The following EEF1E1 variants were observed in gnomAD, a reference collection of about 807,000 sequenced individuals.
EEF1E1 encodes the protein eukaryotic translation elongation factor 1 epsilon-1.
EEF1E1 carries 19 observed loss-of-function variants against 19.9 expected under a neutral mutation model. That is an observed-to-expected ratio of 0.95 (90% CI 0.66 to 1.40). The LOEUF (loss-of-function observed/expected upper bound fraction) is 1.40. EEF1E1 is among the 40% of genes most tolerant of loss of function. The probability of loss-of-function intolerance (pLI) is 0.00; values close to 1 mark genes in which losing one functional copy is unlikely to be tolerated. For synonymous variants in EEF1E1, 81 were observed against 80.0 expected (o/e 1.01, Z -0.07); for missense variants, 198 against 202.2 (o/e 0.98, Z 0.13).
At chr6:8,075,593 T>C (rs1050372930), downstream of EEF1E1, among the ~76,000 whole-genome samples, 1 of 150,664 alleles carries the variant, frequency 6.6e-6, no homozygotes, top group Non-Finnish European at 1.5e-5. Flanking sequence ...TTAATGATCA[T>C]CTGGACCTTT....
intron 1 of EEF1E1, among the ~76,000 whole-genome samples, chr6:8,099,637 C>A (rs1758269487): frequency 6.6e-6 from 1 of 151,986 alleles, no homozygotes; most frequent in Admixed American, 6.6e-5. Flanking sequence ...ATCCCTGCTA[C>A]ACGGGAGGCT....
At chr6:8,073,461 T>C (rs556552802) in exon 4 of EEF1E1, 1 of 1,551,472 alleles carries the variant, frequency 6.4e-7, no homozygotes, top group African/African-American at 1.4e-5. Context: ...CTCAGTTCCT[T>C]GTATGATGTT....
At chr6:8,074,266 C>A (rs1009696046) in intron 3 of EEF1E1, among the ~76,000 whole-genome samples, 3 of 152,144 alleles carry the variant, frequency 2.0e-5, no homozygotes, top group Admixed American at 6.5e-5. Context: ...AACAACCCAC[C>A]CTGATGTTAC....
At chr6:8,096,651 T>C (rs73719911) in intron 2 of EEF1E1, among the ~76,000 whole-genome samples, 17,034 of 152,282 alleles carry the variant, frequency 0.11, 1,166 homozygotes, top group South Asian at 0.2. Context: ...AACAAAATCT[T>C]AAAATCTGCC....
chr6:8,100,660 C>T (rs1758323101), intron 1 of EEF1E1, among the ~76,000 whole-genome samples: 1 of 152,000 alleles, frequency 6.6e-6, no homozygotes, highest in Non-Finnish European at 1.5e-5. Context: ...CCGTAAAATC[C>T]CCAGCCAGCC....
downstream of EEF1E1, among the ~76,000 whole-genome samples, chr6:8,077,763 C>T (rs578116506): frequency 6.6e-6 from 1 of 152,288 alleles, no homozygotes; most frequent in African/African-American, 2.4e-5. Flanking sequence ...GCTTTCCTAT[C>T]ATCTGTGTGT....
intron 1 of EEF1E1, among the ~76,000 whole-genome samples, chr6:8,101,057 C>G (rs1040064289): frequency 2.7e-5 from 4 of 148,920 alleles, no homozygotes; most frequent in Non-Finnish European, 5.9e-5. Context: ...GCAACCCGGT[C>G]TCTACTAAAA....
intron 3 of EEF1E1, among the ~76,000 whole-genome samples, chr6:8,080,882 A>T (rs1298557026): frequency 6.6e-6 from 1 of 152,204 alleles, no homozygotes; most frequent in Non-Finnish European, 1.5e-5. Context: ...CAGCCACCCT[A>T]CAAGCGCTAC....
At chr6:8,089,424 A>T (rs977773119) in intron 3 of EEF1E1, among the ~76,000 whole-genome samples, 25 of 152,324 alleles carry the variant, frequency 1.6e-4, no homozygotes, top group Admixed American at 1.6e-3. Flanking sequence ...CAGGCTGAGG[A>T]GCAAGGAGAG....
In EEF1E1 at chr6:8,102,427, C is replaced by T. The variant is rs772188817; in HGVS notation, c.87+8G>A. 6.2e-7 allele frequency: 1 copy of T among 1,609,752 alleles called. No individual in the cohort carries two copies. The highest frequency in any genetic ancestry group is 2.2e-5 in the East Asian group (1 of 44,528). ...CCTCTTCCCCTCCGCGCCGCCTCTC[C>T]TTCTCACCTGTCGCTCGCCCTGAGC... is the stretch of plus-strand genomic sequence containing the variant. On this transcript the variant is annotated splice_region_variant and intron_variant, in intron 1 of 3. Coordinates refer to ENST00000379715, the MANE Select transcript of EEF1E1 (RefSeq NM_004280.5).
intron 3 of EEF1E1, among the ~76,000 whole-genome samples, chr6:8,083,813 G>A (rs1168392590): frequency 2.0e-5 from 3 of 152,142 alleles, no homozygotes; most frequent in African/African-American, 4.8e-5. Context: ...AACAAAGCAC[G>A]AAGACCTGGT....
chr6:8,073,487 C>T, exon 4 of EEF1E1: 1 of 1,551,484 alleles, frequency 6.4e-7, no homozygotes, highest in Non-Finnish European at 8.7e-7. Flanking sequence ...AGTTCCCTAC[C>T]TCTGTGTGCC....
At position 8,074,224 on chromosome 6, in the gene EEF1E1, C is replaced by T. The variant is rs77524219; in HGVS notation, c.385-714G>A. On this transcript the variant is annotated intron_variant, in intron 3 of 3. Coordinates refer to the EEF1E1 transcript ENST00000429723. Reference sequence around the variant, plus strand: ...CTGGATGCTTCACACCAAAGGTGGGCTAATTTCCTAACTTCTTTTACATGA... The same window carrying T: ...CTGGATGCTTCACACCAAAGGTGGGTTAATTTCCTAACTTCTTTTACATGA... Among the ~76,000 whole-genome samples the T allele has an allele frequency of 1.5e-3, 224 of 152,276 alleles. 2 individuals carry two copies. Among genetic ancestry groups the T allele is most frequent in the African/African-American group, 5.1e-3 (213 of 41,546 alleles).
At position 8,102,528 on chromosome 6, in the gene EEF1E1, G is replaced by A. The variant is rs761619705; in HGVS notation, c.-7C>T. 6 of 1,609,488 alleles carry A rather than the reference G, an allele frequency of 3.7e-6. No individual in the cohort carries two copies. Among genetic ancestry groups the A allele is most frequent in the Non-Finnish European group, 5.1e-6 (6 of 1,179,950 alleles). On this transcript the variant is annotated 5_prime_UTR_variant, in exon 1 of 4. Transcript: ENST00000379715. ...ACTCTGCGGCCGCCGCCATCTTCCG[G>A]CCGTAGCTCCTGGCAGACGCGAGAC...
At chr6:8,078,908 G>A (rs1379570072), downstream of EEF1E1, among the ~76,000 whole-genome samples, 1 of 151,942 alleles carries the variant, frequency 6.6e-6, no homozygotes, top group Non-Finnish European at 1.5e-5. Context: ...AACTTTGAAG[G>A]GTCCACTGGT....
At chr6:8,099,554 C>G (rs561007661) in intron 1 of EEF1E1, among the ~76,000 whole-genome samples, 1 of 152,220 alleles carries the variant, frequency 6.6e-6, no homozygotes, top group South Asian at 2.1e-4. Flanking sequence ...TGAGACTAGC[C>G]TAACCAACAC....
rs569654318 is a variant in EEF1E1, at chr6:8,093,514, T to C, written c.289-3233A>G. 2.6e-5 allele frequency among the ~76,000 whole-genome samples: 4 copies of C among 152,234 alleles called. No homozygotes were observed. In the South Asian group the frequency reaches 8.3e-4, roughly 32 times the overall value. On this transcript the variant is annotated intron_variant, in intron 2 of 3. Transcript: ENST00000379715. ...TCTAGACTCAACAAATGTTAGTGTT[T>C]TGTAATGCCTGCTTTTTGAAATTAT...
intron 2 of EEF1E1, chr6:8,095,349 A>C (rs1471002301): frequency 7.1e-6 from 3 of 425,162 alleles, no homozygotes; most frequent in Non-Finnish European, 1.4e-5. Flanking sequence ...AAAAACACAA[A>C]AAAACGAGCC....
downstream of EEF1E1, chr6:8,078,824 C>T (rs1757659046): frequency 8.6e-7 from 1 of 1,164,406 alleles, no homozygotes; most frequent in African/African-American, 1.7e-5. Context: ...TACTTTAATC[C>T]TAATTTAGCA....
Sources: allele counts gnomAD v4.1 joint callset (sites outside exome capture counted in the v4.1 genomes callset), GRCh38; gene constraint gnomAD v4.1.1; transcripts MANE v1.5; gene names NCBI Gene and HGNC (gene_info 2026-07-23, HGNC 2026-07-21).